Variants in DZIP1L observed in about 807,000 individuals in gnomAD.
The protein encoded by DZIP1L is cilium assembly protein DZIP1L.
In DZIP1L, 90 loss-of-function variants were observed where a neutral mutation model predicts 88.7. The ratio of observed to expected loss-of-function variants is 1.02; its 90% CI spans 0.86 to 1.21. The LOEUF (loss-of-function observed/expected upper bound fraction) is 1.21, where lower values mean the gene tolerates loss of function less well. Among genes scored for constraint, DZIP1L ranks in the 50% most tolerant of loss-of-function variants. The pLI, the probability that DZIP1L is intolerant of heterozygous loss-of-function variation, is 0.00. For missense variants in DZIP1L, 932 were observed against 955.8 expected, an observed-to-expected ratio of 0.98 and a Z score of 0.33; for synonymous variants, 363 against 372.1, an observed-to-expected ratio of 0.98 and a Z score of 0.28.
chr3:138,084,114 A>G lies in DZIP1L; in HGVS notation c.1202T>C (p.Met401Thr). The G allele has an allele frequency of 1.2e-6, 2 of 1,613,514 alleles. No individual in the cohort carries two copies. The highest frequency in any genetic ancestry group is 1.7e-6 in the Non-Finnish European group (2 of 1,179,726). ...GGCTGAAAGGAAGGGCAGACCTACCATCTCCTCCTGGGAGGCAATGATCCT... is the reference window on the plus strand; with the variant it reads ...GGCTGAAAGGAAGGGCAGACCTACCGTCTCCTCCTGGGAGGCAATGATCCT... ...QARIIASQEE[M>T]IQSLSLRKVE... Residue 401 changes from methionine to threonine, a missense_variant and splice_region_variant, in exon 8 of 16, where the codon ATG becomes ACG. Coordinates refer to ENST00000327532, the MANE Select transcript of DZIP1L (RefSeq NM_173543.3).
At chr3:138,108,049 T>C (rs1431236316) in intron 1 of DZIP1L, 2 of 188,592 alleles carry the variant, frequency 1.1e-5, no homozygotes, top group African/African-American at 4.8e-5. Context: ...AGTGGCGCGA[T>C]CTCGGCTCAC....
chr3:138,084,975 C>T (rs1943854722), intron 7 of DZIP1L, among the ~76,000 whole-genome samples: 1 of 152,166 alleles, frequency 6.6e-6, no homozygotes, highest in Admixed American at 6.6e-5. Context: ...TGTTCTGTTC[C>T]ATTGATCTAT....
chr3:138,068,331 G>C lies in DZIP1L; in HGVS notation c.1652C>G (p.Ala551Gly). The change falls in exon 13 of 16, where the codon GCC becomes GGC. Residue 551 changes from alanine (A) to glycine (G), a missense_variant. Transcript: ENST00000327532. The part of the protein sequence containing the change: ...SQQSTLVTRE[A>G]QPKTRTLQVA... ...CTGCAGGGTCCTGGTCTTTGGCTGG[G>C]CCTCTCTGGTGACCAGTGTGCTCTG... 1 of 1,578,782 alleles carries C rather than the reference G, an allele frequency of 6.3e-7. No homozygotes were observed. The highest frequency in any genetic ancestry group is 8.6e-7 in the Non-Finnish European group (1 of 1,160,840).
At chr3:138,066,579 C>T (rs1006201726) in intron 14 of DZIP1L, among the ~76,000 whole-genome samples, 6 of 152,108 alleles carry the variant, frequency 3.9e-5, no homozygotes, top group South Asian at 2.1e-4. Flanking sequence ...ACTTCTGTCA[C>T]GATGTGTGTG....
chr3:138,088,313 AATAT>A (rs763108724), intron 6 of DZIP1L, 62 bp downstream of exon 6: 3 of 1,512,702 alleles, frequency 2.0e-6, no homozygotes, highest in Non-Finnish European at 2.6e-6. Context: ...TAAATGAGAG[AATAT>A]ATTGGAAGAG....
chr3:138,081,650 T>G lies in DZIP1L; in HGVS notation c.1234+84A>C, dbSNP rs974483430. 2.8e-6 allele frequency: 4 copies of G among 1,406,962 alleles called. No homozygotes were observed. The African/African-American group carries it at 4.3e-5, about 15-fold the overall frequency. The allele number at this position is 1,406,962 out of a possible 1,614,324, so 87.2% of individuals were successfully genotyped here. A position where few individuals can be genotyped will look rare whatever the true frequency, so the allele number is the denominator to read the frequency against. ...CTGTCACCAATCCACCACCCATGAA[T>G]TGACTGGGGGAGAGGGAAAAGGAGG... On this transcript the variant is annotated intron_variant, in intron 9 of 15. Coordinates refer to ENST00000327532, the MANE Select transcript of DZIP1L (RefSeq NM_173543.3).
chr3:138,069,052 C>G, intron 12 of DZIP1L: 1 of 1,203,978 alleles, frequency 8.3e-7, no homozygotes, highest in Non-Finnish European at 1.1e-6. Context: ...CAGTTGACCC[C>G]GAAACAACGT....
intron 15 of DZIP1L, among the ~76,000 whole-genome samples, chr3:138,064,055 T>A (rs566453991): frequency 1.3e-5 from 2 of 152,320 alleles, no homozygotes; most frequent in Admixed American, 6.5e-5. Context: ...GGTCTGATGA[T>A]GCTGGGGAAG....
chr3:138,070,475 T>C (rs1402501209), intron 12 of DZIP1L, among the ~76,000 whole-genome samples: 2 of 147,004 alleles, frequency 1.4e-5, no homozygotes, highest in Non-Finnish European at 2.9e-5. Context: ...CATCAATACA[T>C]TTTTTTACCA....
intron 1 of DZIP1L, 60 bp from the exon 2 acceptor site, chr3:138,104,112 A>T: frequency 7.0e-7 from 1 of 1,438,694 alleles, no homozygotes; most frequent in South Asian, 1.5e-5. Flanking sequence ...CCTACTGTAT[A>T]TCTGGCCAGC....
chr3:138,082,536 C>T (rs1382876261), intron 8 of DZIP1L, among the ~76,000 whole-genome samples: 2 of 152,190 alleles, frequency 1.3e-5, no homozygotes, highest in African/African-American at 2.4e-5. Flanking sequence ...AAACTGATGA[C>T]CACATTCATG....
Position 138,094,725 on chromosome 3 carries a change from A to G in DZIP1L, c.708+137T>C, listed in dbSNP as rs113514191. On this transcript the variant is annotated intron_variant, in intron 4 of 15. Coordinates refer to ENST00000327532, the MANE Select transcript of DZIP1L (RefSeq NM_173543.3). ...TACCTAAAATCATTTGCCATGTCCA[A>G]GAAGGCACTATCCCAGCTCTGACTC... 6 of 1,370,780 alleles carry G rather than the reference A, an allele frequency of 4.4e-6. No homozygotes were observed. The African/African-American group carries it at 5.8e-5, about 13-fold the overall frequency. The allele number at this position is 1,370,780 out of a possible 1,614,324, so 84.9% of individuals were successfully genotyped here.
chr3:138,079,653 G>A (rs1413656365), intron 10 of DZIP1L, among the ~76,000 whole-genome samples: 1 of 152,200 alleles, frequency 6.6e-6, no homozygotes, highest in Non-Finnish European at 1.5e-5. Flanking sequence ...CTTCTGGAGA[G>A]GAAACTGGAT....
chr3:138,065,686 G>A (rs1942861674), intron 14 of DZIP1L, among the ~76,000 whole-genome samples: 1 of 152,206 alleles, frequency 6.6e-6, no homozygotes. Flanking sequence ...GCCAAGTACT[G>A]CAGAGTCTAT....
At chr3:138,088,533 T>C (rs1944058671) in intron 5 of DZIP1L, 26 bp from the exon 6 acceptor site, 4 of 1,609,480 alleles carry the variant, frequency 2.5e-6, no homozygotes, top group Non-Finnish European at 3.4e-6. Flanking sequence ...CATAGTTTTA[T>C]TCAGATGAAG....
intron 7 of DZIP1L, among the ~76,000 whole-genome samples, chr3:138,085,005 T>C (rs1266354927): frequency 2.0e-5 from 3 of 152,242 alleles, no homozygotes; most frequent in Non-Finnish European, 4.4e-5. Context: ...TTGGTACCAG[T>C]ACCAGTACCA....
In DZIP1L at chr3:138,068,263, G is replaced by A. The variant is rs775832526; in HGVS notation, c.1720C>T (p.Arg574Cys). 24 of 1,598,410 alleles carry A rather than the reference G, an allele frequency of 1.5e-5. No individual in the cohort carries two copies. The highest frequency in any genetic ancestry group is 5.2e-5 in the Admixed American group (3 of 57,844). The change falls in exon 13 of 16, where the codon CGT becomes TGT. Residue 574 changes from arginine to cysteine, a missense_variant. Physicochemically the swap from Arg to Cys is radical, Grantham distance 180 (BLOSUM62 -3). Transcript: ENST00000327532. ...GAGCCATGGCTGCCATGGCTCTGAC[G>A]AGTTGGTGGGGGTGGCTCTGCCGGT... ...STPAEPPPPT[R>C]QSHGSHGSSL...
At chr3:138,075,185 A>G (rs1225655368) in intron 11 of DZIP1L, among the ~76,000 whole-genome samples, 2 of 152,254 alleles carry the variant, frequency 1.3e-5, no homozygotes, top group African/African-American at 4.8e-5. Flanking sequence ...GAAATGAGAT[A>G]GACAGCAACA....
intron 8 of DZIP1L, among the ~76,000 whole-genome samples, chr3:138,083,286 G>A (rs1045656436): frequency 7.2e-5 from 11 of 152,212 alleles, no homozygotes; most frequent in African/African-American, 2.7e-4. Flanking sequence ...ATGTCACCTG[G>A]GTGAAATGTG....
Sources: gnomAD v4.1 joint callset for allele counts (sites outside exome capture counted in the v4.1 genomes callset) on GRCh38, gnomAD v4.1.1 for gene constraint, MANE v1.5 for transcripts, NCBI Gene and HGNC (gene_info 2026-07-23, HGNC 2026-07-21) for gene names.